Variants in TLK2 observed in about 807,000 individuals in gnomAD.
TLK2 encodes the protein serine/threonine-protein kinase tousled-like 2.
A neutral mutation model predicts 117.3 loss-of-function variants in TLK2; 6 were observed. The ratio of observed to expected loss-of-function variants is 0.05; its 90% confidence interval spans 0.03 to 0.10. The LOEUF is 0.10. Ranked by LOEUF, TLK2 falls within the 10% of genes least tolerant of loss-of-function variation. The probability of loss-of-function intolerance (pLI) is 1.00; values close to 1 mark genes in which losing one functional copy is unlikely to be tolerated. For synonymous variants in TLK2, 257 were observed against 316.7 expected (o/e 0.81, Z 2.00); for missense variants, 299 against 901.2 (o/e 0.33, Z 8.56).
chr17:62,578,302 T>C (rs541529823), intron 13 of TLK2, among the ~76,000 whole-genome samples, 175 bp from the exon 14 acceptor site: 1 of 152,006 alleles, frequency 6.6e-6, no homozygotes, highest in African/African-American at 2.4e-5. Context: ...TGGTTTGAAT[T>C]TTATTATTTT....
chr17:62,580,071 T>G (rs893221860), intron 14 of TLK2, 40 bp from the exon 15 acceptor site: 9 of 1,561,390 alleles, frequency 5.8e-6, no homozygotes, highest in Non-Finnish European at 6.2e-6. Flanking sequence ...AAGACTGTAG[T>G]CCATGATCTC....
intron 3 of TLK2, 100 bp downstream of exon 3, chr17:62,520,944 G>A (rs542233474): frequency 1.8e-4 from 238 of 1,343,108 alleles, no homozygotes; most frequent in Middle Eastern, 1.2e-3. Context: ...AGGCTGAGGC[G>A]GGCAGATTGC....
intron 1 of TLK2, 127 bp from the exon 2 acceptor site, chr17:62,480,994 A>C (rs2071581140): frequency 2.4e-6 from 2 of 844,054 alleles, no homozygotes; most frequent in Admixed American, 4.5e-5. Context: ...CTTGTATGCT[A>C]TATTTACTTG....
chr17:62,479,999 A>G (rs1447130453), intron 1 of TLK2, among the ~76,000 whole-genome samples: 1 of 152,126 alleles, frequency 6.6e-6, no homozygotes, highest in African/African-American at 2.4e-5. Flanking sequence ...CTTTCTGAGA[A>G]TTTCCTAATT....
chr17:62,608,246 C>A, intron 21 of TLK2, 98 bp downstream of exon 21: 1 of 882,158 alleles, frequency 1.1e-6, no homozygotes, highest in South Asian at 1.7e-5. Flanking sequence ...GTGTGAAATT[C>A]AGCAGTTAAT....
At chr17:62,574,381 C>T in intron 12 of TLK2, 8 of 1,528,510 alleles carry the variant, frequency 5.2e-6, no homozygotes, top group Non-Finnish European at 6.2e-6. Flanking sequence ...AGGATACAGC[C>T]CCAGCCTTAG....
chr17:62,528,231 CAG>C (rs1598396701), intron 6 of TLK2, among the ~76,000 whole-genome samples: 1 of 152,118 alleles, frequency 6.6e-6, no homozygotes, highest in Non-Finnish European at 1.5e-5. Context: ...ATTGTGCTGA[CAG>C]GGAAGAATAG....
At chr17:62,508,131 T>TAACAAATTTA (rs1235536549) in intron 2 of TLK2, among the ~76,000 whole-genome samples, 1 of 150,896 alleles carries the variant, frequency 6.6e-6, no homozygotes, top group Admixed American at 6.6e-5. Flanking sequence ...TTTGTGAAAT[T>TAACAAATTTA]AACAAATTTA....
intron 3 of TLK2, among the ~76,000 whole-genome samples, chr17:62,521,583 G>A (rs1461753805): frequency 3.3e-5 from 5 of 151,980 alleles, no homozygotes; most frequent in Non-Finnish European, 5.9e-5. Flanking sequence ...TTTTAGAGGC[G>A]GGGCCTTGCT....
chr17:62,537,892 G>A (rs929678830), intron 7 of TLK2, among the ~76,000 whole-genome samples: 2 of 152,062 alleles, frequency 1.3e-5, no homozygotes, highest in African/African-American at 4.8e-5. Flanking sequence ...ATATAATATT[G>A]TGAGAGGGAC....
At chr17:62,473,259 T>C (rs2070976297) in intron 1 of TLK2, among the ~76,000 whole-genome samples, 1 of 152,070 alleles carries the variant, frequency 6.6e-6, no homozygotes, top group African/African-American at 2.4e-5. Flanking sequence ...TCGGGGGTGG[T>C]GACTTCATCT....
At chr17:62,523,512 C>T (rs1310372594) in intron 5 of TLK2, among the ~76,000 whole-genome samples, 5 of 152,128 alleles carry the variant, frequency 3.3e-5, no homozygotes, top group African/African-American at 4.8e-5. Flanking sequence ...CCTGAGAAGT[C>T]GAGGCTGCAG....
chr17:62,507,130 G>T lies in TLK2; in HGVS notation c.82-13643G>T, dbSNP rs891456963. Among the ~76,000 whole-genome samples the T allele has an allele frequency of 2.6e-5, 4 of 151,326 alleles. No individual in the cohort carries two copies. The East Asian group carries it at 7.7e-4, about 29-fold the overall frequency. ...TATTGAAAGTGGGGTTTTTTTTGGC[G>T]GGGCGCGCTGAGTCACATCTGTAAT... On this transcript the variant is annotated intron_variant, in intron 2 of 21. Transcript: ENST00000346027.
chr17:62,588,980 T>C (rs2081868592), intron 16 of TLK2, among the ~76,000 whole-genome samples: 1 of 152,210 alleles, frequency 6.6e-6, no homozygotes, highest in South Asian at 2.1e-4. Flanking sequence ...TGCGTTTCCA[T>C]TCATGGGGAT....
At chr17:62,484,564 C>T (rs1042476774) in intron 2 of TLK2, among the ~76,000 whole-genome samples, 1 of 151,982 alleles carries the variant, frequency 6.6e-6, no homozygotes, top group African/African-American at 2.4e-5. Context: ...TCCCGAAGTG[C>T]TGGGATTATA....
rs1172469218 is a variant in TLK2, at chr17:62,615,248, T to G, written c.*2683T>G. ...ACATGCAGAACATTGACCTTTCCATTGACTGTCTTTCAAGCAGCCAGTGAA... is the reference window on the plus strand; with the variant it reads ...ACATGCAGAACATTGACCTTTCCATGGACTGTCTTTCAAGCAGCCAGTGAA... On this transcript the variant is annotated 3_prime_UTR_variant, in exon 22 of 22. Coordinates refer to ENST00000346027, the MANE Select transcript of TLK2 (RefSeq NM_006852.6). 4.6e-5 allele frequency: 7 copies of G among 152,142 alleles called. No homozygotes were observed. The highest frequency in any genetic ancestry group is 1.0e-4 in the Non-Finnish European group (7 of 68,032). 9.4% of individuals were successfully genotyped at this position (152,142 alleles called of 1,614,324 possible).
chr17:62,488,822 T>A (rs1192149156), intron 2 of TLK2, among the ~76,000 whole-genome samples: 1 of 65,668 alleles, frequency 1.5e-5, no homozygotes, highest in Non-Finnish European at 3.5e-5. Context: ...CCTTGAAGAT[T>A]TTTTTTTTTT....
At chr17:62,522,638 A>G (rs2145566265) in intron 4 of TLK2, among the ~76,000 whole-genome samples, 1 of 152,362 alleles carries the variant, frequency 6.6e-6, no homozygotes, top group East Asian at 1.9e-4. Context: ...CTTCATTTAC[A>G]TTACTGTCCT....
At chr17:62,606,025 A>C (rs989868870) in intron 19 of TLK2, 105 bp from the exon 20 acceptor site, 18 of 461,122 alleles carry the variant, frequency 3.9e-5, no homozygotes, top group African/African-American at 2.0e-4. Flanking sequence ...AAAAAAAAAA[A>C]ACGATATTTC....
Sources: gnomAD v4.1 joint callset for allele counts (sites outside exome capture counted in the v4.1 genomes callset) on GRCh38, gnomAD v4.1.1 for gene constraint, MANE v1.5 for transcripts, NCBI Gene and HGNC (gene_info 2026-07-23, HGNC 2026-07-21) for gene names.